Variants in AGBL1 observed in about 807,000 individuals in gnomAD.
AGBL1 encodes the protein AGBL carboxypeptidase 1.
In AGBL1, 130 loss-of-function variants were observed where a neutral mutation model predicts 118.9. That is an observed-to-expected ratio of 1.09 (90% CI 0.95 to 1.26). The LOEUF (loss-of-function observed/expected upper bound fraction) is 1.26. Among genes scored for constraint, AGBL1 ranks in the 50% most tolerant of loss-of-function variants. The probability of loss-of-function intolerance (pLI) is 0.00; values close to 1 mark genes in which losing one functional copy is unlikely to be tolerated. For missense variants in AGBL1, 1,584 were observed against 1,298.1 expected (o/e 1.22, Z -3.38); for synonymous variants, 555 against 478.9 (o/e 1.16, Z -2.08).
chr15:86,861,080 C>T (rs2079553810), intron 22 of AGBL1, among the ~76,000 whole-genome samples: 1 of 152,062 alleles, frequency 6.6e-6, no homozygotes, highest in Non-Finnish European at 1.5e-5. Flanking sequence ...TGGAAGGGCA[C>T]TAATGAAGTT....
intron 17 of AGBL1, among the ~76,000 whole-genome samples, chr15:86,306,348 T>G (rs553176092): frequency 6.6e-6 from 1 of 152,166 alleles, no homozygotes; most frequent in East Asian, 1.9e-4. Context: ...ATCCTTCTAC[T>G]CTTTATCTTC....
chr15:86,738,054 C>T (rs2077626449), intron 22 of AGBL1, among the ~76,000 whole-genome samples: 1 of 152,120 alleles, frequency 6.6e-6, no homozygotes, highest in South Asian at 2.1e-4. Context: ...ATATGTTCAT[C>T]TCTACAGAAC....
intron 24 of AGBL1, among the ~76,000 whole-genome samples, chr15:86,992,879 T>G (rs2081347814): frequency 6.6e-6 from 1 of 152,158 alleles, no homozygotes; most frequent in African/African-American, 2.4e-5. Flanking sequence ...TATCTAGTCA[T>G]AGTTTCCTTA....
At chr15:86,501,682 A>C (rs1307308709) in intron 18 of AGBL1, among the ~76,000 whole-genome samples, 1 of 151,598 alleles carries the variant, frequency 6.6e-6, no homozygotes, top group African/African-American at 2.4e-5. Flanking sequence ...CTGTTCTCCT[A>C]GCACCATTTG....
chr15:86,771,259 A>G (rs747549524), intron 22 of AGBL1, among the ~76,000 whole-genome samples: 2 of 152,088 alleles, frequency 1.3e-5, no homozygotes, highest in Admixed American at 6.6e-5. Flanking sequence ...AAATAGTGCT[A>G]GGTACTTTAG....
chr15:86,921,140 T>C (rs1306528598), downstream of AGBL1, among the ~76,000 whole-genome samples: 1 of 152,162 alleles, frequency 6.6e-6, no homozygotes, highest in Non-Finnish European at 1.5e-5. Flanking sequence ...ACCAAAAAAG[T>C]TGGGACATTT....
At chr15:86,377,490 T>C (rs1367347325) in intron 17 of AGBL1, among the ~76,000 whole-genome samples, 1 of 152,232 alleles carries the variant, frequency 6.6e-6, no homozygotes, top group Non-Finnish European at 1.5e-5. Flanking sequence ...ATCAGACTCC[T>C]AAAATGAGAG....
intron 23 of AGBL1, among the ~76,000 whole-genome samples, chr15:86,923,493 C>G (rs1396203715): frequency 6.6e-6 from 1 of 152,240 alleles, no homozygotes; most frequent in East Asian, 1.9e-4. Context: ...CAGCTTACCC[C>G]TGATCTGAGT....
intron 11 of AGBL1, among the ~76,000 whole-genome samples, chr15:86,266,124 C>G (rs1029533510): frequency 1.3e-5 from 2 of 152,228 alleles, no homozygotes; most frequent in African/African-American, 4.8e-5. Flanking sequence ...CAAGAATTCT[C>G]TAACTGAAAT....
At chr15:86,254,304 G>A (rs2078861275) in intron 7 of AGBL1, among the ~76,000 whole-genome samples, 1 of 152,192 alleles carries the variant, frequency 6.6e-6, no homozygotes, top group African/African-American at 2.4e-5. Context: ...CATTAGGAGA[G>A]AGGTTGTGTT....
intron 16 of AGBL1, among the ~76,000 whole-genome samples, chr15:86,288,706 G>A (rs1272677170): frequency 6.6e-6 from 1 of 151,994 alleles, no homozygotes; most frequent in Admixed American, 6.6e-5. Context: ...GAAAGACAAA[G>A]TTTGACATGT....
chr15:86,899,936 C>G (rs779106212), intron 22 of AGBL1, among the ~76,000 whole-genome samples: 4 of 152,134 alleles, frequency 2.6e-5, no homozygotes, highest in Non-Finnish European at 4.4e-5. Context: ...TGGGCACCAT[C>G]TAATCAGCTG....
chr15:86,727,012 GA>G (rs977264080), intron 22 of AGBL1, among the ~76,000 whole-genome samples: 7 of 152,170 alleles, frequency 4.6e-5, no homozygotes, highest in African/African-American at 1.7e-4. Context: ...TCAGTGGGAG[GA>G]AAAGGATATT....
intron 22 of AGBL1, among the ~76,000 whole-genome samples, chr15:86,729,851 GC>G (rs2077504771): frequency 6.6e-6 from 1 of 152,162 alleles, no homozygotes; most frequent in Non-Finnish European, 1.5e-5. Context: ...AAATCACACT[GC>G]TTTCCACAAT....
intron 23 of AGBL1, among the ~76,000 whole-genome samples, chr15:86,948,793 A>G (rs2141667026): frequency 6.6e-6 from 1 of 152,282 alleles, no homozygotes; most frequent in Non-Finnish European, 1.5e-5. Context: ...AAATAAAATA[A>G]CTATTTGATA....
chr15:86,314,671 G>T (rs2079971665), intron 17 of AGBL1, among the ~76,000 whole-genome samples: 1 of 152,108 alleles, frequency 6.6e-6, no homozygotes, highest in Non-Finnish European at 1.5e-5. Flanking sequence ...GAATGAATTG[G>T]AGCTCCCGCT....
intron 6 of AGBL1, among the ~76,000 whole-genome samples, chr15:86,244,063 GTAAATAAATAAA>G (rs10667570): frequency 6.9e-6 from 1 of 143,894 alleles, no homozygotes; most frequent in Non-Finnish European, 1.5e-5. Context: ...AGATAAATAA[GTAAATAAATAAA>G]TAAATAAATA....
chr15:86,540,913 A>G (rs138312367), intron 19 of AGBL1, among the ~76,000 whole-genome samples: 2 of 152,198 alleles, frequency 1.3e-5, no homozygotes, highest in Admixed American at 1.3e-4. Context: ...GAATGGCTCT[A>G]TAATTTGTCG....
rs572715521 is a variant in AGBL1 at position 86,477,796 on chromosome 15, T to C, written c.2556-45014T>C. Among the ~76,000 whole-genome samples, 10 of 152,022 alleles carry C rather than the reference T, an allele frequency of 6.6e-5. No homozygotes were observed. In the East Asian group the frequency reaches 1.9e-3, roughly 30 times the overall value. On this transcript the variant is annotated intron_variant, in intron 18 of 22. Transcript: ENST00000614907. ...CACAACAAAAAAAGAGAATTTTAGA[T>C]CAATATCCCTGATGAACATTGATGC...
Sources: gnomAD v4.1 joint callset for allele counts (sites outside exome capture counted in the v4.1 genomes callset) on GRCh38, gnomAD v4.1.1 for gene constraint, MANE v1.5 for transcripts, NCBI Gene and HGNC (gene_info 2026-07-23, HGNC 2026-07-21) for gene names.